PCDHA4: variants seen among roughly 807,000 people sequenced by gnomAD.
PCDHA4 encodes the protein protocadherin alpha 4.
In PCDHA4, 49 loss-of-function variants were observed where a neutral mutation model predicts 61.4. The ratio of observed to expected loss-of-function variants is 0.80; its 90% CI spans 0.63 to 1.01. The LOEUF (loss-of-function observed/expected upper bound fraction) is 1.01, where lower values mean the gene tolerates loss of function less well. PCDHA4 is among the 50% of genes least tolerant of loss of function. The probability of loss-of-function intolerance (pLI) is 0.00; values close to 1 mark genes in which losing one functional copy is unlikely to be tolerated. For synonymous variants in PCDHA4, 590 were observed against 550.3 expected, an observed-to-expected ratio of 1.07 and a Z score of -1.01; for missense variants, 1,254 against 1,235.8, an observed-to-expected ratio of 1.01 and a Z score of -0.22.
chr5:140,842,975 C>T (rs1554139598), intron 1 of PCDHA4: 3 of 1,594,992 alleles, frequency 1.9e-6, no homozygotes, highest in Non-Finnish European at 2.6e-6. Context: ...CGTGACGCTG[C>T]AGGTGTTCGT....
At chr5:140,982,214 TG>T in intron 2 of PCDHA4, 1 of 485,000 alleles carries the variant, frequency 2.1e-6, no homozygotes, top group Non-Finnish European at 3.3e-6. Flanking sequence ...GAGCGCCACA[TG>T]GCGTTAATAA....
intron 1 of PCDHA4, chr5:140,810,965 A>G (rs1764766601): frequency 6.6e-6 from 1 of 152,076 alleles, no homozygotes; most frequent in South Asian, 2.1e-4. Flanking sequence ...ACATATTTTT[A>G]TCATTGTTGT....
intron 1 of PCDHA4, chr5:140,850,022 A>T (rs2150463810): frequency 4.4e-6 from 7 of 1,596,794 alleles, no homozygotes; most frequent in Non-Finnish European, 6.0e-6. Context: ...GCTACGTGTC[A>T]GTGCACGCGG....
At chr5:140,853,130 C>T in intron 1 of PCDHA4, 1 of 617,250 alleles carries the variant, frequency 1.6e-6, no homozygotes, top group Non-Finnish European at 2.1e-6. Context: ...CCTCCCGCCT[C>T]AGCCTCCCAA....
At chr5:140,830,487 T>C in intron 1 of PCDHA4, 1 of 1,497,798 alleles carries the variant, frequency 6.7e-7, no homozygotes, top group East Asian at 2.4e-5. Flanking sequence ...GATGCCAAAG[T>C]AAGTGAATTT....
intron 1 of PCDHA4, chr5:140,831,274 GTCT>G (rs1554133162): frequency 2.0e-5 from 3 of 152,218 alleles, no homozygotes; most frequent in East Asian, 3.9e-4. Flanking sequence ...TCACTTGATG[GTCT>G]TCTCTTCATG....
chr5:140,876,541 C>T, intron 1 of PCDHA4: 1 of 1,614,188 alleles, frequency 6.2e-7, no homozygotes, highest in Non-Finnish European at 8.5e-7. Context: ...TTCACTGTCG[C>T]TCCCTGTGCA....
At chr5:140,828,015 A>G (rs1769489590) in intron 1 of PCDHA4, 1 of 1,509,160 alleles carries the variant, frequency 6.6e-7, no homozygotes, top group African/African-American at 1.4e-5. Flanking sequence ...GAAATGGATT[A>G]ATAAATTCCG....
In PCDHA4 at chr5:140,842,635, C is replaced by T. The variant is rs1330338408; in HGVS notation, c.2385+33063C>T. 10 of 1,590,774 alleles carry T rather than the reference C, an allele frequency of 6.3e-6. 1 individual carries two copies. Among genetic ancestry groups the T allele is most frequent in the Non-Finnish European group, 8.6e-6 (10 of 1,163,124 alleles). ...GGGGCTCGCCTTCGCTGTGGGCCAC[C>T]GCCAGCTTGTCTGTGGAGGTGGCCG... On this transcript the variant is annotated intron_variant, in intron 1 of 3. Coordinates refer to ENST00000530339, the MANE Select transcript of PCDHA4 (RefSeq NM_018907.4).
chr5:140,840,084 T>A (rs982040414), intron 1 of PCDHA4, among the ~76,000 whole-genome samples: 2 of 151,904 alleles, frequency 1.3e-5, no homozygotes, highest in Non-Finnish European at 2.9e-5. Context: ...AAAGATAAAC[T>A]TGTTGAAGAT....
chr5:140,983,901 AT>A (rs782712573), intron 3 of PCDHA4, among the ~76,000 whole-genome samples: 20 of 152,338 alleles, frequency 1.3e-4, no homozygotes, highest in Non-Finnish European at 2.6e-4. Context: ...GCATTCGTTG[AT>A]TCTAATCAGC....
At chr5:140,915,012 C>T (rs2076943122) in intron 1 of PCDHA4, among the ~76,000 whole-genome samples, 1 of 144,844 alleles carries the variant, frequency 6.9e-6, no homozygotes, top group Non-Finnish European at 1.5e-5. Context: ...GTGGCCTGAT[C>T]TTGGCTCACT....
chr5:140,869,375 A>C, intron 1 of PCDHA4: 1 of 1,614,116 alleles, frequency 6.2e-7, no homozygotes, highest in Non-Finnish European at 8.5e-7. Flanking sequence ...TCTCGGATCG[A>C]CCGCGAGGAG....
At chr5:141,004,637 A>G (rs149340406) in intron 3 of PCDHA4, among the ~76,000 whole-genome samples, 1,579 of 152,220 alleles carry the variant, frequency 0.01, 12 homozygotes, top group Middle Eastern at 0.058. Flanking sequence ...TTGAAGAAAA[A>G]TTTCCATTTT....
chr5:140,837,740 G>T (rs1328705494), intron 1 of PCDHA4, among the ~76,000 whole-genome samples: 2 of 151,462 alleles, frequency 1.3e-5, no homozygotes, highest in Non-Finnish European at 2.9e-5. Flanking sequence ...GCAGTGGTGG[G>T]ATTATAGCCC....
intron 1 of PCDHA4, chr5:140,881,915 C>G (rs1431128063): frequency 1.7e-5 from 4 of 240,684 alleles, no homozygotes; most frequent in African/African-American, 8.9e-5. Flanking sequence ...AAATGTTGAG[C>G]AGAATGCAGT....
rs201231291 is a variant in PCDHA4, at chr5:140,849,957, G to A, written c.2385+40385G>A. On this transcript the variant is annotated intron_variant, in intron 1 of 3. Transcript: ENST00000530339. ...GCGGGACGCTGACGCGCAGGAGAAC[G>A]CCCTGGTGTCCTACTCGCTGGTGGA... The A allele has an allele frequency of 3.1e-6, 5 of 1,597,800 alleles. 1 individual carries two copies. The highest frequency in any genetic ancestry group is 3.4e-6 in the Non-Finnish European group (4 of 1,167,908).
At chr5:140,883,365 G>A in intron 1 of PCDHA4, 1 of 1,614,148 alleles carries the variant, frequency 6.2e-7, no homozygotes, top group Non-Finnish European at 8.5e-7. Context: ...ACTCAGCCTA[G>A]CGCCATTATT....
At chr5:140,877,599 C>T (rs1325384029) in intron 1 of PCDHA4, 5 of 1,613,882 alleles carry the variant, frequency 3.1e-6, no homozygotes, top group East Asian at 2.2e-5. Context: ...CGGTGTCCAG[C>T]CTGCTGGTGC....
Sources: gnomAD v4.1 joint callset for allele counts (sites outside exome capture counted in the v4.1 genomes callset) on GRCh38, gnomAD v4.1.1 for gene constraint, MANE v1.5 for transcripts, NCBI Gene and HGNC (gene_info 2026-07-23, HGNC 2026-07-21) for gene names.